LPAR3: variants seen among roughly 807,000 people sequenced by gnomAD.
LPAR3 encodes the protein lysophosphatidic acid receptor 3.
A neutral mutation model predicts 17.8 loss-of-function variants in LPAR3; 7 were observed. The observed-to-expected ratio is 0.39, with a 90% CI of 0.22 to 0.74. The LOEUF (loss-of-function observed/expected upper bound fraction) is 0.74. Among genes scored for constraint, LPAR3 ranks in the 30% least tolerant of loss-of-function variants. The pLI is 0.40. For missense variants in LPAR3, 391 were observed against 453.4 expected, an observed-to-expected ratio of 0.86 and a Z score of 1.25; for synonymous variants, 179 against 179.9, an observed-to-expected ratio of 0.99 and a Z score of 0.04.
intron 1 of LPAR3, among the ~76,000 whole-genome samples, chr1:84,871,578 C>A (rs886570547): frequency 6.6e-6 from 1 of 152,172 alleles, no homozygotes; most frequent in Non-Finnish European, 1.5e-5. Context: ...GACCAGTCCT[C>A]TCCTCTTAGG....
At chr1:84,824,890 T>C (rs554180783) in intron 2 of LPAR3, among the ~76,000 whole-genome samples, 1 of 152,330 alleles carries the variant, frequency 6.6e-6, no homozygotes, top group South Asian at 2.1e-4. Flanking sequence ...GAGATCTCTT[T>C]TGTGCCTTAT....
At chr1:84,829,182 C>CTTTTTTTTTTTTTTTTT (rs1570863702) in intron 2 of LPAR3, among the ~76,000 whole-genome samples, 1 of 48,834 alleles carries the variant, frequency 2.0e-5, no homozygotes. Flanking sequence ...TTTTTTTTTG[C>CTTTTTTTTTTTTTTTTT]TTATTGGTTG....
chr1:84,870,792 T>C (rs916375982), intron 1 of LPAR3, among the ~76,000 whole-genome samples: 1 of 152,198 alleles, frequency 6.6e-6, no homozygotes, highest in African/African-American at 2.4e-5. Flanking sequence ...GCAGCCTCGT[T>C]CTACAGCCTG....
rs566557736 is a variant in LPAR3, at chr1:84,885,442, T to C, written c.-19+7574A>G. On this transcript the variant is annotated intron_variant, in intron 1 of 2. Transcript: ENST00000370611. ...ACATGTTGGTGAGAATGTAAACTGA[T>C]AGAACTTTGGGGGAAGGCAATTTGG... Among the ~76,000 whole-genome samples, 6 of 152,334 alleles carry C rather than the reference T, an allele frequency of 3.9e-5. No homozygotes were observed. The East Asian group carries it at 9.6e-4, about 24-fold the overall frequency.
chr1:84,814,008 C>T lies in LPAR3; in HGVS notation c.900G>A (p.Met300Ile). 1 of 1,614,182 alleles carries T rather than the reference C, an allele frequency of 6.2e-7. No homozygotes were observed. The highest frequency in any genetic ancestry group is 8.5e-7 in the Non-Finnish European group (1 of 1,180,028). Residue 300 changes from methionine to isoleucine, a missense_variant, in exon 3 of 3, where the codon ATG (methionine) becomes ATA (isoleucine). Met to Ile is a conservative substitution (Grantham distance 10). Transcript: ENST00000370611. Reference protein sequence around the residue: ...PIIYSYKDEDMYGTMKKMICC... With the variant: ...PIIYSYKDEDIYGTMKKMICC... ...AGATCATCTTCTTCATGGTGCCATACATGTCCTCGTCCTTGTAGGAGTAGA... is the reference window on the plus strand; with the variant it reads ...AGATCATCTTCTTCATGGTGCCATATATGTCCTCGTCCTTGTAGGAGTAGA...
chr1:84,845,941 C>T (rs891278501), intron 2 of LPAR3, among the ~76,000 whole-genome samples: 1 of 152,146 alleles, frequency 6.6e-6, no homozygotes, highest in African/African-American at 2.4e-5. Flanking sequence ...CGACAGGACA[C>T]GTTCCACCAA....
chr1:84,836,006 C>CTTTTTT lies in LPAR3; in HGVS notation c.737-21841_737-21836dup, dbSNP rs34491570. The stretch of plus-strand genomic sequence containing the variant: ...ATATGAATGCCCCCCCAACCCCGGC[C>CTTTTTT]TTTTTTTTTTTTTTTTTTTTTTTTT... On this transcript the variant is annotated intron_variant, in intron 2 of 2. Transcript: ENST00000370611. Among the ~76,000 whole-genome samples the CTTTTTT allele has an allele frequency of 3.2e-3, 199 of 61,752 alleles. 24 individuals are homozygous for CTTTTTT. Among genetic ancestry groups the CTTTTTT allele is most frequent in the African/African-American group, 6.4e-3 (97 of 15,242 alleles). 40.5% of individuals were successfully genotyped at this position (61,752 alleles called of 152,430 possible).
chr1:84,862,763 T>C (rs1659963379), intron 2 of LPAR3, among the ~76,000 whole-genome samples: 1 of 152,250 alleles, frequency 6.6e-6, no homozygotes, highest in African/African-American at 2.4e-5. Flanking sequence ...TAATTCATTT[T>C]ATAATTCCTT....
chr1:84,886,719 T>C (rs1398054003), intron 1 of LPAR3, among the ~76,000 whole-genome samples: 1 of 152,070 alleles, frequency 6.6e-6, no homozygotes, highest in African/African-American at 2.4e-5. Context: ...GCCTTAAATA[T>C]ATAAAATATA....
At chr1:84,847,973 T>C (rs1030709608) in intron 2 of LPAR3, among the ~76,000 whole-genome samples, 1 of 152,248 alleles carries the variant, frequency 6.6e-6, no homozygotes, top group Non-Finnish European at 1.5e-5. Context: ...CCCAGGTTTT[T>C]GTGGGAACTG....
chr1:84,833,019 A>C (rs1162618038), intron 2 of LPAR3, among the ~76,000 whole-genome samples: 2 of 152,014 alleles, frequency 1.3e-5, no homozygotes, highest in African/African-American at 4.8e-5. Flanking sequence ...AACCACATAA[A>C]TATAAAGGCT....
intron 2 of LPAR3, among the ~76,000 whole-genome samples, chr1:84,843,792 T>C (rs1252669566): frequency 2.0e-5 from 3 of 152,270 alleles, no homozygotes; most frequent in Non-Finnish European, 2.9e-5. Context: ...TTTGGGGCTA[T>C]TCCTGGAACC....
chr1:84,873,196 AC>A (rs1213065820), intron 1 of LPAR3, among the ~76,000 whole-genome samples: 7 of 152,300 alleles, frequency 4.6e-5, no homozygotes, highest in African/African-American at 1.7e-4. Flanking sequence ...GGAAATCTAA[AC>A]AAAGTACAGA....
chr1:84,866,582 T>G (rs771773042), intron 1 of LPAR3, among the ~76,000 whole-genome samples: 1 of 152,226 alleles, frequency 6.6e-6, no homozygotes, highest in Non-Finnish European at 1.5e-5. Flanking sequence ...TGCCTCCTCC[T>G]GGCTCCCAGT....
intron 1 of LPAR3, among the ~76,000 whole-genome samples, chr1:84,889,858 C>T (rs143167049): frequency 2.9e-4 from 44 of 152,268 alleles, no homozygotes; most frequent in African/African-American, 1.0e-3. Flanking sequence ...AGCTCTTTCA[C>T]GTACATAAGT....
chr1:84,844,505 T>C (rs996853471), intron 2 of LPAR3, among the ~76,000 whole-genome samples: 20 of 152,210 alleles, frequency 1.3e-4, no homozygotes, highest in African/African-American at 3.9e-4. Context: ...CTACTAATTC[T>C]TGAATAAATA....
At chr1:84,817,050 C>T (rs974392916) in intron 2 of LPAR3, among the ~76,000 whole-genome samples, 1 of 152,132 alleles carries the variant, frequency 6.6e-6, no homozygotes, top group African/African-American at 2.4e-5. Flanking sequence ...ATGCGTACCT[C>T]TGGACACTCA....
At chr1:84,889,192 A>G (rs1660511421) in intron 1 of LPAR3, among the ~76,000 whole-genome samples, 1 of 152,122 alleles carries the variant, frequency 6.6e-6, no homozygotes, top group Non-Finnish European at 1.5e-5. Flanking sequence ...CCTCAATGGT[A>G]CTAAATCCCC....
chr1:84,820,171 C>G (rs537661544), intron 2 of LPAR3, among the ~76,000 whole-genome samples: 9 of 152,136 alleles, frequency 5.9e-5, no homozygotes, highest in Non-Finnish European at 1.3e-4. Flanking sequence ...TGAACTCAGG[C>G]CTGACTTCCC....
Sources: gnomAD v4.1 joint callset for allele counts (sites outside exome capture counted in the v4.1 genomes callset) on GRCh38, gnomAD v4.1.1 for gene constraint, MANE v1.5 for transcripts, NCBI Gene and HGNC (gene_info 2026-07-23, HGNC 2026-07-21) for gene names.